LDLRAD4: variants seen among roughly 807,000 people sequenced by gnomAD.
LDLRAD4 encodes the protein low density lipoprotein receptor class A domain containing 4.
A neutral mutation model predicts 17.0 loss-of-function variants in LDLRAD4; 5 were observed. The ratio of observed to expected loss-of-function variants is 0.29; its 90% CI spans 0.15 to 0.62. LDLRAD4 has a LOEUF of 0.62. Among genes scored for constraint, LDLRAD4 ranks in the 20% least tolerant of loss-of-function variants. The pLI, the probability that LDLRAD4 is intolerant of heterozygous loss-of-function variation, is 0.84. For synonymous variants in LDLRAD4, 168 were observed against 171.8 expected, an observed-to-expected ratio of 0.98 and a Z score of 0.17; for missense variants, 340 against 424.7, an observed-to-expected ratio of 0.80 and a Z score of 1.75.
chr18:13,527,993 T>C (rs897382759), intron 3 of LDLRAD4, among the ~76,000 whole-genome samples: 10 of 152,202 alleles, frequency 6.6e-5, no homozygotes, highest in Admixed American at 5.2e-4. Flanking sequence ...CTGCCCTCCA[T>C]GTAGGAGGCT....
chr18:13,247,346 C>G (rs1266251351), intron 1 of LDLRAD4, among the ~76,000 whole-genome samples: 1 of 152,172 alleles, frequency 6.6e-6, no homozygotes, highest in Non-Finnish European at 1.5e-5. Flanking sequence ...ACGCGTATCA[C>G]AACTAAGAAA....
intron 3 of LDLRAD4, chr18:13,611,946 G>A (rs1019693956): frequency 1.0e-6 from 1 of 985,472 alleles, no homozygotes; most frequent in Non-Finnish European, 1.2e-6. Context: ...AGCCTGGCTC[G>A]CAGCCTGAGG....
At chr18:13,225,362 C>A (rs1412052122) in intron 1 of LDLRAD4, among the ~76,000 whole-genome samples, 3 of 152,204 alleles carry the variant, frequency 2.0e-5, no homozygotes, top group Non-Finnish European at 2.9e-5. Context: ...AGCTCTTGAG[C>A]CACCCCCAGC....
chr18:13,405,883 C>T (rs1600010798), intron 2 of LDLRAD4, among the ~76,000 whole-genome samples: 3 of 152,150 alleles, frequency 2.0e-5, no homozygotes, highest in African/African-American at 7.2e-5. Flanking sequence ...CTCCTGGGCC[C>T]GCTCCTGTCG....
intron 3 of LDLRAD4, among the ~76,000 whole-genome samples, chr18:13,449,414 G>A (rs2091644768): frequency 6.6e-6 from 1 of 152,238 alleles, no homozygotes; most frequent in Admixed American, 6.5e-5. Flanking sequence ...ATGAGGCCTG[G>A]AAGGGGAGCC....
intron 3 of LDLRAD4, among the ~76,000 whole-genome samples, chr18:13,605,793 T>G (rs1202887895): frequency 6.6e-6 from 1 of 152,176 alleles, no homozygotes; most frequent in Non-Finnish European, 1.5e-5. Flanking sequence ...CCCTCACATG[T>G]CCTCGTGGTG....
chr18:13,608,758 CA>C (rs1297667852), intron 3 of LDLRAD4, among the ~76,000 whole-genome samples: 1 of 152,216 alleles, frequency 6.6e-6, no homozygotes, highest in Non-Finnish European at 1.5e-5. Flanking sequence ...AGCTCAGCCA[CA>C]CAGAAACGCT....
intron 1 of LDLRAD4, among the ~76,000 whole-genome samples, chr18:13,348,417 G>A (rs1014807297): frequency 2.6e-5 from 4 of 152,162 alleles, no homozygotes; most frequent in East Asian, 1.9e-4. Flanking sequence ...GTTGCTGCCC[G>A]ATCATTCCTC....
At chr18:13,438,572 T>C (rs910642703) in intron 3 of LDLRAD4, among the ~76,000 whole-genome samples, 188 bp downstream of exon 4, 3 of 152,260 alleles carry the variant, frequency 2.0e-5, no homozygotes, top group African/African-American at 7.2e-5. Context: ...AAATTTGTTC[T>C]GTTCTCTAAA....
intron 2 of LDLRAD4, among the ~76,000 whole-genome samples, chr18:13,422,357 G>A (rs901595734): frequency 6.6e-6 from 1 of 152,188 alleles, no homozygotes; most frequent in Non-Finnish European, 1.5e-5. Context: ...CTTAGTCATT[G>A]CCACTTGCAA....
At position 13,347,584 on chromosome 18, in the gene LDLRAD4, C is replaced by T. The variant is rs558181595; in HGVS notation, c.-382-39757C>T. On this transcript the variant is annotated intron_variant, in intron 1 of 5. Coordinates refer to ENST00000359446, the Ensembl canonical transcript of LDLRAD4. ...CTCTTCTCGAGGAGTATCTTTGTGG[C>T]GTTCTCTGTATTTCCTGAATTTGAA... Among the ~76,000 whole-genome samples the T allele has an allele frequency of 1.8e-3, 275 of 152,138 alleles. 1 individual carries two copies. Among genetic ancestry groups the T allele is most frequent in the African/African-American group, 5.9e-3 (245 of 41,500 alleles).
intron 3 of LDLRAD4, among the ~76,000 whole-genome samples, chr18:13,597,961 A>G (rs530069199): frequency 3.7e-4 from 57 of 152,178 alleles, no homozygotes; most frequent in African/African-American, 1.4e-3. Context: ...TGTTTCCTTG[A>G]TTTCTTTGAA....
At chr18:13,523,317 G>T (rs8099189) in intron 3 of LDLRAD4, among the ~76,000 whole-genome samples, 26,416 of 152,150 alleles carry the variant, frequency 0.17, 2,670 homozygotes, top group Non-Finnish European at 0.22. Context: ...GAGTCTTTAG[G>T]GGGGACATGC....
intron 5 of LDLRAD4, among the ~76,000 whole-genome samples, chr18:13,643,946 T>C (rs748631394): frequency 2.6e-5 from 4 of 152,192 alleles, no homozygotes; most frequent in Non-Finnish European, 5.9e-5. Flanking sequence ...AAGAGCCGTC[T>C]CCTAGAAGAA....
At chr18:13,253,294 G>A (rs2043324869) in intron 1 of LDLRAD4, among the ~76,000 whole-genome samples, 1 of 152,308 alleles carries the variant, frequency 6.6e-6, no homozygotes, top group South Asian at 2.1e-4. Flanking sequence ...GCTGTGATCG[G>A]CTGTGGTGGG....
chr18:13,639,009 G>T (rs1296369826), intron 4 of LDLRAD4, among the ~76,000 whole-genome samples: 1 of 152,310 alleles, frequency 6.6e-6, no homozygotes, highest in Non-Finnish European at 1.5e-5. Flanking sequence ...TTATTACAAG[G>T]AAATAGCCTA....
At position 13,622,705 on chromosome 18, in the gene LDLRAD4, G is replaced by A. The variant is rs1013039477; in HGVS notation, c.336+1434G>A. Among the ~76,000 whole-genome samples, 4 of 152,234 alleles carry A rather than the reference G, an allele frequency of 2.6e-5. No individual in the cohort carries two copies. Among genetic ancestry groups the A allele is most frequent in the Non-Finnish European group, 5.9e-5 (4 of 68,042 alleles). On this transcript the variant is annotated intron_variant, in intron 4 of 5. Coordinates refer to ENST00000359446, the Ensembl canonical transcript of LDLRAD4. This position sits in a 1 kb window ranked among gnomAD's most constrained non-coding sequence, Gnocchi z 5.3. ...ATTCTTCTGAAGTTCTAAACACACA[G>A]TGTATGGGATTCACCTGTGTTTTGA...
intron 3 of LDLRAD4, among the ~76,000 whole-genome samples, chr18:13,589,854 C>T (rs186403020): frequency 3.2e-4 from 48 of 152,240 alleles, no homozygotes; most frequent in Admixed American, 6.5e-5. Flanking sequence ...TGGAGGGGCC[C>T]AAGGAGTGAC....
chr18:13,456,862 G>A (rs376168867), intron 3 of LDLRAD4, among the ~76,000 whole-genome samples: 1 of 152,208 alleles, frequency 6.6e-6, no homozygotes, highest in Non-Finnish European at 1.5e-5. Flanking sequence ...GGGATATGTG[G>A]TTTTTTCTAG....
Sources: gnomAD v4.1 joint callset for allele counts (sites outside exome capture counted in the v4.1 genomes callset) on GRCh38, gnomAD v4.1.1 for gene constraint, Gnocchi (gnomAD v3.1) non-coding constraint, MANE v1.5 for transcripts, NCBI Gene and HGNC (gene_info 2026-07-23, HGNC 2026-07-21) for gene names.